Variants in FRAS1 observed in about 807,000 individuals in gnomAD.
FRAS1 encodes the protein extracellular matrix organizing protein FRAS1.
In FRAS1, 290 loss-of-function variants were observed where a neutral mutation model predicts 435.2. The observed-to-expected ratio is 0.67, with a 90% CI of 0.61 to 0.73. The LOEUF (loss-of-function observed/expected upper bound fraction) is 0.73, where lower values mean the gene tolerates loss of function less well. Ranked by LOEUF, FRAS1 falls within the 30% of genes least tolerant of loss-of-function variation. The pLI is 0.00. For synonymous variants in FRAS1, 1,800 were observed against 1,851.0 expected, an observed-to-expected ratio of 0.97 and a Z score of 0.71; for missense variants, 4,860 against 5,001.5, an observed-to-expected ratio of 0.97 and a Z score of 0.85.
chr4:78,255,524 G>C, intron 6 of FRAS1, 149 bp downstream of exon 6: 1 of 765,794 alleles, frequency 1.3e-6, no homozygotes, highest in Non-Finnish European at 2.0e-6. Flanking sequence ...GACCACCTCT[G>C]AGACATTTCT....
chr4:78,253,368 A>G (rs1224656502), intron 5 of FRAS1, among the ~76,000 whole-genome samples: 1 of 152,172 alleles, frequency 6.6e-6, no homozygotes, highest in African/African-American at 2.4e-5. Flanking sequence ...CACACGTTTT[A>G]CAATCAATTT....
intron 2 of FRAS1, among the ~76,000 whole-genome samples, chr4:78,144,698 T>C (rs1234861126): frequency 6.6e-6 from 1 of 152,226 alleles, no homozygotes; most frequent in Admixed American, 6.5e-5. Flanking sequence ...GATTCACTTA[T>C]ATGTACAAAA....
At chr4:78,518,854 A>G (rs1234577589) in intron 66 of FRAS1, among the ~76,000 whole-genome samples, 1 of 152,148 alleles carries the variant, frequency 6.6e-6, no homozygotes, top group Non-Finnish European at 1.5e-5. Context: ...ATCCTGAGTT[A>G]GGCACAGGCT....
intron 31 of FRAS1, among the ~76,000 whole-genome samples, chr4:78,409,136 G>T (rs1228590340): frequency 8.1e-6 from 1 of 123,984 alleles, no homozygotes; most frequent in Non-Finnish European, 1.8e-5. Flanking sequence ...AAAAAAAAAA[G>T]ACAAAAAGAA....
chr4:78,365,494 T>C (rs904230661), intron 22 of FRAS1, among the ~76,000 whole-genome samples: 1 of 151,948 alleles, frequency 6.6e-6, no homozygotes, highest in Non-Finnish European at 1.5e-5. Context: ...AAAGAAAAAA[T>C]AGAATCCATT....
intron 2 of FRAS1, among the ~76,000 whole-genome samples, chr4:78,067,672 T>TATTA (rs1740106199): frequency 1.6e-5 from 2 of 125,748 alleles, no homozygotes; most frequent in Non-Finnish European, 3.2e-5. Context: ...TTTTCTTTCT[T>TATTA]TTATTATTAT....
chr4:78,538,709 C>T (rs1214178164), intron 72 of FRAS1, among the ~76,000 whole-genome samples: 2 of 152,132 alleles, frequency 1.3e-5, no homozygotes, highest in East Asian at 3.9e-4. Context: ...AATCCCAGCA[C>T]TTTGGGAGGC....
At chr4:78,058,275 T>G (rs1426159469) in intron 1 of FRAS1, among the ~76,000 whole-genome samples, 190 bp downstream of exon 1, 1 of 152,126 alleles carries the variant, frequency 6.6e-6, no homozygotes, top group Admixed American at 6.5e-5. Flanking sequence ...TACTCCTGAT[T>G]GTTTTGTATT....
chr4:78,375,587 A>G (rs1286082765), intron 25 of FRAS1, among the ~76,000 whole-genome samples, 152 bp from the exon 26 acceptor site: 1 of 152,164 alleles, frequency 6.6e-6, no homozygotes. Context: ...AGCTCCCTAT[A>G]TATTCTGTAG....
intron 14 of FRAS1, among the ~76,000 whole-genome samples, chr4:78,287,183 G>A (rs6857683): frequency 0.014 from 2,063 of 151,902 alleles, 52 homozygotes; most frequent in African/African-American, 0.047. Context: ...AATGAAGGGG[G>A]AAGTGCCACT....
At chr4:78,388,337 A>C (rs1458180393) in intron 29 of FRAS1, among the ~76,000 whole-genome samples, 1 of 151,864 alleles carries the variant, frequency 6.6e-6, no homozygotes, top group East Asian at 1.9e-4. Flanking sequence ...AAACCAAAAA[A>C]AAAAAAAAAC....
At chr4:78,430,471 C>G (rs1016132900) in intron 37 of FRAS1, 54 bp downstream of exon 37, 8 of 1,573,968 alleles carry the variant, frequency 5.1e-6, no homozygotes, top group African/African-American at 1.4e-5. Context: ...ATTTTTTGCT[C>G]TACAATCAGT....
intron 60 of FRAS1, among the ~76,000 whole-genome samples, chr4:78,498,842 T>TTTAATTAA: frequency 6.8e-6 from 1 of 147,772 alleles, no homozygotes; most frequent in African/African-American, 2.5e-5. Context: ...CAATATATTA[T>TTTAATTAA]TTTATTTATT....
chr4:78,338,071 A>G (rs1730247211), intron 20 of FRAS1: 1 of 446,028 alleles, frequency 2.2e-6, no homozygotes, highest in Non-Finnish European at 4.1e-6. Flanking sequence ...GAATGAAGTG[A>G]TGATAATAGC....
intron 2 of FRAS1, among the ~76,000 whole-genome samples, chr4:78,167,427 A>G (rs1425782636): frequency 1.3e-5 from 2 of 152,056 alleles, no homozygotes; most frequent in Non-Finnish European, 2.9e-5. Context: ...AAAAGATAGA[A>G]CATTCTTTTT....
chr4:78,333,432 A>C lies in FRAS1; in HGVS notation c.2278+20A>C. Reference sequence around the variant, plus strand: ...GCACAGGTGAGTATGTAATGTGCTGAGGCACATTGCCTATGACCATGTTTT... The same window carrying C: ...GCACAGGTGAGTATGTAATGTGCTGCGGCACATTGCCTATGACCATGTTTT... On this transcript the variant is annotated intron_variant, in intron 19 of 73. Coordinates refer to ENST00000512123, the MANE Select transcript of FRAS1 (RefSeq NM_025074.7). 6.2e-7 allele frequency: 1 copy of C among 1,603,854 alleles called. No individual in the cohort carries two copies. Among genetic ancestry groups the C allele is most frequent in the East Asian group, 2.2e-5 (1 of 44,578 alleles).
At chr4:78,233,610 G>A (rs574217097) in intron 2 of FRAS1, among the ~76,000 whole-genome samples, 38 of 152,324 alleles carry the variant, frequency 2.5e-4, no homozygotes, top group Non-Finnish European at 1.5e-5. Context: ...ATAAGTGCCA[G>A]ACACTGTTCA....
At chr4:78,469,794 T>G (rs1350856953) in intron 50 of FRAS1, among the ~76,000 whole-genome samples, 184 bp from the exon 51 acceptor site, 1 of 152,198 alleles carries the variant, frequency 6.6e-6, no homozygotes, top group Non-Finnish European at 1.5e-5. Context: ...GTTCTCACTC[T>G]ATCATTCAGC....
rs187086850 is a variant in FRAS1 at position 78,490,491 on chromosome 4, A to G, written c.8958+1411A>G. Among the ~76,000 whole-genome samples the G allele has an allele frequency of 2.0e-4, 31 of 152,346 alleles. 1 individual carries two copies. The highest frequency in any genetic ancestry group is 7.2e-4 in the Admixed American group (11 of 15,296). Reference sequence around the variant, plus strand: ...ACAGTGCAACAAATTAGAGCTCAGGATTAAGAAACTCACTCAAAACCACAC... The same window carrying G: ...ACAGTGCAACAAATTAGAGCTCAGGGTTAAGAAACTCACTCAAAACCACAC... On this transcript the variant is annotated intron_variant, in intron 59 of 73. Coordinates refer to ENST00000512123, the MANE Select transcript of FRAS1 (RefSeq NM_025074.7).
Sources: allele counts gnomAD v4.1 joint callset (sites outside exome capture counted in the v4.1 genomes callset), GRCh38; gene constraint gnomAD v4.1.1; transcripts MANE v1.5; gene names NCBI Gene and HGNC (gene_info 2026-07-23, HGNC 2026-07-21).